Variants in MAL observed in about 807,000 individuals in gnomAD.
MAL encodes the protein myelin and lymphocyte protein.
In MAL, 5 loss-of-function variants were observed where a neutral mutation model predicts 16.7. That is an observed-to-expected ratio of 0.30 (90% CI 0.16 to 0.63). The LOEUF (loss-of-function observed/expected upper bound fraction) is 0.63, where lower values mean the gene tolerates loss of function less well. Among genes scored for constraint, MAL ranks in the 30% least tolerant of loss-of-function variants. MAL has a pLI of 0.82. For synonymous variants in MAL, 96 were observed against 85.5 expected (o/e 1.12, Z -0.67); for missense variants, 202 against 195.8 (o/e 1.03, Z -0.19).
chr2:95,031,353 C>A (rs1336735306), intron 1 of MAL, among the ~76,000 whole-genome samples: 1 of 152,124 alleles, frequency 6.6e-6, no homozygotes, highest in Non-Finnish European at 1.5e-5. Flanking sequence ...AGCTCAGGAC[C>A]ACTGGGAAGC....
In MAL at chr2:95,025,898, T is replaced by C. The variant is rs1440881109; in HGVS notation, c.93+13T>C. 1.3e-6 allele frequency: 2 copies of C among 1,545,426 alleles called. No individual in the cohort carries two copies. The highest frequency in any genetic ancestry group is 2.5e-5 in the East Asian group (1 of 39,876). On this transcript the variant is annotated intron_variant, in intron 1 of 3. Transcript: ENST00000309988. The surrounding 1 kb of genome is among the most constrained non-coding windows in gnomAD (Gnocchi z 5.6). ...CATCTTTGAGTTTGTGAGTGGCTCC[T>C]GGCCGGGGAAGGGACGGGGTGGGCT...
At chr2:95,052,489 G>C (rs1398106455) in intron 3 of MAL, among the ~76,000 whole-genome samples, 1 of 152,234 alleles carries the variant, frequency 6.6e-6, no homozygotes, top group African/African-American at 2.4e-5. Flanking sequence ...GCTTGGCCAG[G>C]TGTAGGGGCA....
intron 1 of MAL, among the ~76,000 whole-genome samples, chr2:95,036,997 A>ATGAG (rs1437683274): frequency 4.8e-5 from 4 of 82,836 alleles, no homozygotes; most frequent in Admixed American, 1.2e-4. Flanking sequence ...GAGTGAGTGA[A>ATGAG]TGAGTGACTG....
chr2:95,033,905 G>T (rs188338196), intron 1 of MAL, among the ~76,000 whole-genome samples: 1 of 152,242 alleles, frequency 6.6e-6, no homozygotes, highest in East Asian at 1.9e-4. Flanking sequence ...CTGTGGGAAC[G>T]TGGGCAGGTA....
At chr2:95,037,073 GTGGGTGAGTGAA>G (rs2104339094) in intron 1 of MAL, among the ~76,000 whole-genome samples, 1 of 148,170 alleles carries the variant, frequency 6.7e-6, no homozygotes, top group South Asian at 2.2e-4. Flanking sequence ...GAGTGACTGA[GTGGGTGAGTGAA>G]TGAGTGAGTG....
At chr2:95,043,317 T>C (rs1674512118) in intron 1 of MAL, among the ~76,000 whole-genome samples, 1 of 152,274 alleles carries the variant, frequency 6.6e-6, no homozygotes, top group African/African-American at 2.4e-5. Context: ...GCCTCCTGCA[T>C]GAACGACAAC....
At chr2:95,041,892 A>G (rs1674475938) in intron 1 of MAL, among the ~76,000 whole-genome samples, 1 of 151,966 alleles carries the variant, frequency 6.6e-6, no homozygotes, top group African/African-American at 2.4e-5. Flanking sequence ...AGTTTTGTAC[A>G]TTACCCCATG....
chr2:95,035,323 T>C (rs1292785150), intron 1 of MAL, among the ~76,000 whole-genome samples: 3 of 152,214 alleles, frequency 2.0e-5, no homozygotes, highest in Non-Finnish European at 2.9e-5. Context: ...TACCCAGTAT[T>C]TTCACAGAAC....
At chr2:95,046,920 A>G (rs1448727331) in intron 1 of MAL, among the ~76,000 whole-genome samples, 3 of 150,762 alleles carry the variant, frequency 2.0e-5, no homozygotes, top group Admixed American at 6.6e-5. Context: ...AAGAGAGAGA[A>G]AGAAAGAGAG....
chr2:95,028,351 T>C (rs1023851218), intron 1 of MAL, among the ~76,000 whole-genome samples: 1 of 151,536 alleles, frequency 6.6e-6, no homozygotes, highest in Non-Finnish European at 1.5e-5. Context: ...GTAAATAAAT[T>C]AAATAAATAG....
intron 1 of MAL, among the ~76,000 whole-genome samples, chr2:95,026,918 GAAT>G (rs1196370541): frequency 2.0e-5 from 3 of 152,140 alleles, no homozygotes; most frequent in Admixed American, 2.0e-4. Context: ...GGGAGGGTGT[GAAT>G]ACCAAAGGGA....
At chr2:95,041,532 G>T (rs1674466731) in intron 1 of MAL, among the ~76,000 whole-genome samples, 1 of 152,190 alleles carries the variant, frequency 6.6e-6, no homozygotes. Flanking sequence ...GCGCTTAGTG[G>T]CAGCCGGGTG....
chr2:95,026,771 T>G (rs889499547), intron 1 of MAL: 2 of 152,068 alleles, frequency 1.3e-5, no homozygotes, highest in African/African-American at 4.8e-5. Context: ...GTGGGTGCGG[T>G]CCGTCACCGC....
At chr2:95,038,480 C>CTGAG (rs1306755867) in intron 1 of MAL, among the ~76,000 whole-genome samples, 2 of 67,872 alleles carry the variant, frequency 2.9e-5, no homozygotes, top group South Asian at 5.2e-4. Flanking sequence ...GAGTGAGTGA[C>CTGAG]TGAGTGAGTG....
At position 95,053,500 on chromosome 2, in the gene MAL, G is replaced by T. The variant is rs200487878; in HGVS notation, c.*45G>T. The stretch of plus-strand genomic sequence containing the variant: ...CTGAAAACCCAGATGGTGTTAACTG[G>T]CCGCCCCACTTTCCGGCATAACTTT... On this transcript the variant is annotated 3_prime_UTR_variant, in exon 4 of 4. Transcript: ENST00000309988. 4 of 1,427,554 alleles carry T rather than the reference G, an allele frequency of 2.8e-6. No individual in the cohort carries two copies. In the African/African-American group the frequency reaches 5.6e-5, roughly 20 times the overall value. The allele number at this position is 1,427,554 out of a possible 1,614,324, so 88.4% of individuals were successfully genotyped here. A position where few individuals can be genotyped will look rare whatever the true frequency, so the allele number is the denominator to read the frequency against.
At chr2:95,029,620 G>C (rs1674028176) in intron 1 of MAL, among the ~76,000 whole-genome samples, 1 of 152,154 alleles carries the variant, frequency 6.6e-6, no homozygotes, top group Non-Finnish European at 1.5e-5. Context: ...GTGACTTGTT[G>C]GGTCACAGGG....
chr2:95,030,304 T>C (rs1674046340), intron 1 of MAL, among the ~76,000 whole-genome samples: 1 of 152,196 alleles, frequency 6.6e-6, no homozygotes, highest in Non-Finnish European at 1.5e-5. Flanking sequence ...TGGTCATCAG[T>C]GCAGCCCCAT....
intron 1 of MAL, among the ~76,000 whole-genome samples, chr2:95,039,570 G>T (rs1248562710): frequency 6.6e-6 from 1 of 151,542 alleles, no homozygotes; most frequent in Non-Finnish European, 1.5e-5. Flanking sequence ...GTGACTGAGT[G>T]AGTCAGTGAC....
intron 1 of MAL, among the ~76,000 whole-genome samples, chr2:95,042,492 C>T (rs1052857938): frequency 9.2e-5 from 14 of 152,184 alleles, no homozygotes; most frequent in Non-Finnish European, 1.8e-4. Context: ...TGAGGCCCCA[C>T]TCCCATCTTC....
Sources: gnomAD v4.1 joint callset for allele counts (sites outside exome capture counted in the v4.1 genomes callset) on GRCh38, gnomAD v4.1.1 for gene constraint, Gnocchi (gnomAD v3.1) non-coding constraint, MANE v1.5 for transcripts, NCBI Gene and HGNC (gene_info 2026-07-23, HGNC 2026-07-21) for gene names.